The following STPG4 variants were observed in gnomAD, a reference collection of about 807,000 sequenced individuals.
The protein encoded by STPG4 is protein STPG4.
STPG4 carries 41 observed loss-of-function variants against 31.5 expected under a neutral mutation model. The observed-to-expected ratio is 1.30, with a 90% CI of 1.01 to 1.69. The LOEUF (loss-of-function observed/expected upper bound fraction) is 1.69. STPG4 is among the 40% of genes most tolerant of loss of function. STPG4 has a pLI of 0.00. For missense variants in STPG4, 375 were observed against 293.4 expected, an observed-to-expected ratio of 1.28 and a Z score of -2.03; for synonymous variants, 141 against 103.0, an observed-to-expected ratio of 1.37 and a Z score of -2.24.
chr2:47,123,815 G>A (rs1686317497), intron 5 of STPG4, among the ~76,000 whole-genome samples: 1 of 151,902 alleles, frequency 6.6e-6, no homozygotes, highest in African/African-American at 2.4e-5. Context: ...AAATGTTTAT[G>A]GCCACATAGT....
intron 1 of STPG4, among the ~76,000 whole-genome samples, 195 bp downstream of exon 1, chr2:47,154,976 T>G (rs1000208697): frequency 6.6e-6 from 1 of 150,980 alleles, no homozygotes; most frequent in Admixed American, 6.6e-5. Flanking sequence ...GGAAAAGAAA[T>G]AAAACAAAGG....
intron 5 of STPG4, among the ~76,000 whole-genome samples, chr2:47,124,915 C>T (rs1202396445): frequency 1.3e-5 from 2 of 152,214 alleles, no homozygotes; most frequent in Non-Finnish European, 2.9e-5. Flanking sequence ...CTTTTCTCCA[C>T]ATCCTCGCCA....
At chr2:47,154,129 A>C (rs916042160) in intron 1 of STPG4, among the ~76,000 whole-genome samples, 4 of 152,264 alleles carry the variant, frequency 2.6e-5, no homozygotes, top group Non-Finnish European at 5.9e-5. Flanking sequence ...AGTAATAATC[A>C]GTAAAACTGA....
chr2:47,128,242 G>C (rs1686402629), intron 5 of STPG4, among the ~76,000 whole-genome samples: 4 of 152,090 alleles, frequency 2.6e-5, no homozygotes, highest in African/African-American at 9.7e-5. Context: ...TGAGGGACGG[G>C]TGACACAAGC....
At chr2:47,149,955 G>T (rs1686903495) in intron 3 of STPG4, among the ~76,000 whole-genome samples, 2 of 152,164 alleles carry the variant, frequency 1.3e-5, no homozygotes, top group Non-Finnish European at 1.5e-5. Flanking sequence ...AAGGCGAGGG[G>T]CACATGGTAG....
At chr2:47,132,869 T>G (rs1168885198) in intron 3 of STPG4, among the ~76,000 whole-genome samples, 4 of 152,200 alleles carry the variant, frequency 2.6e-5, no homozygotes, top group Admixed American at 6.5e-5. Context: ...TTATCTATAC[T>G]GAGCAATCCA....
At chr2:47,124,878 T>G (rs1402914030) in intron 5 of STPG4, among the ~76,000 whole-genome samples, 2 of 152,228 alleles carry the variant, frequency 1.3e-5, no homozygotes, top group Non-Finnish European at 2.9e-5. Context: ...CTAATTTACA[T>G]TCTCACCAAC....
In STPG4 at chr2:47,099,982, G is replaced by A. The variant is rs182558661; in HGVS notation, c.520-9608C>T. On this transcript the variant is annotated intron_variant, in intron 5 of 6. Coordinates refer to ENST00000445927, the MANE Select transcript of STPG4 (RefSeq NM_001163561.2). ...GCTGCCTTCCCAAGGGGCAGGGCTC[G>A]GGACCTGCAGCCCACCATGCCTGAG... Among the ~76,000 whole-genome samples the A allele has an allele frequency of 3.9e-3, 591 of 152,230 alleles. 12 individuals carry two copies. The highest frequency in any genetic ancestry group is 0.013 in the African/African-American group (549 of 41,476).
chr2:47,142,738 T>C (rs1454019269), intron 3 of STPG4, among the ~76,000 whole-genome samples: 1 of 151,876 alleles, frequency 6.6e-6, no homozygotes, highest in African/African-American at 2.4e-5. Context: ...TGTATACAAA[T>C]GGGATTATAC....
At chr2:47,098,181 G>T (rs1167628436) in intron 5 of STPG4, among the ~76,000 whole-genome samples, 1 of 152,134 alleles carries the variant, frequency 6.6e-6, no homozygotes, top group Non-Finnish European at 1.5e-5. Flanking sequence ...GGTCTTCCAG[G>T]CCTCCTCTCT....
chr2:47,137,820 G>A (rs771039202), intron 3 of STPG4, among the ~76,000 whole-genome samples: 68 of 152,038 alleles, frequency 4.5e-4, no homozygotes, highest in Non-Finnish European at 3.1e-4. Context: ...CTGTAGTGAT[G>A]TCTCCTCTTT....
rs1310278941 is a variant in STPG4, at chr2:47,087,054, T to C, written c.701A>G (p.Gln234Arg). Residue 234 changes from glutamine (Q) to arginine (R), a missense_variant, in exon 7 of 7, where the codon CAA (glutamine) becomes CGA (arginine). Transcript: ENST00000445927. ...GTTGTTGAAGAAAAGGCTATGCTCTTGGCCCATTTTGGCTATGGTCGGAGA... is the reference window on the plus strand; with the variant it reads ...GTTGTTGAAGAAAAGGCTATGCTCTCGGCCCATTTTGGCTATGGTCGGAGA... The part of the protein sequence containing the change: ...KQSPTIAKMG[Q>R]EHSLFFNNNN... 10 of 1,551,678 alleles carry C rather than the reference T, an allele frequency of 6.4e-6. No individual in the cohort carries two copies. The highest frequency in any genetic ancestry group is 5.5e-5 in the African/African-American group (4 of 73,070).
Position 47,151,270 on chromosome 2 carries a change from A to C in STPG4, c.387T>G (p.Val129=), listed in dbSNP as rs1274891396. The change falls in exon 3 of 7, where the codon GTT becomes GTG. Residue 129 remains valine, a synonymous_variant. Transcript: ENST00000445927. ...AGTAGCGCTTTACCTGATCTTTGTC[A>C]ACTAGTGTGCTGGGGCTTGGCCGTG... ...DKPRPSPSTL[V]DKDQSLQLSP... 8 of 1,614,054 alleles carry C rather than the reference A, an allele frequency of 5.0e-6. No homozygotes were observed. The African/African-American group carries it at 1.1e-4, about 22-fold the overall frequency.
intron 6 of STPG4, among the ~76,000 whole-genome samples, chr2:47,089,629 G>T (rs1685527911): frequency 6.6e-6 from 1 of 151,198 alleles, no homozygotes; most frequent in South Asian, 2.1e-4. Context: ...ACAAAGCTAT[G>T]GGAATTAAAA....
At chr2:47,126,264 C>G (rs1192122405) in intron 5 of STPG4, among the ~76,000 whole-genome samples, 1 of 148,368 alleles carries the variant, frequency 6.7e-6, no homozygotes, top group East Asian at 2.0e-4. Context: ...CCTTCCTCTT[C>G]TTTCTCTTCT....
chr2:47,148,450 A>G (rs1362251217), intron 3 of STPG4, among the ~76,000 whole-genome samples: 1 of 152,168 alleles, frequency 6.6e-6, no homozygotes, highest in Non-Finnish European at 1.5e-5. Flanking sequence ...AAAAATAGAA[A>G]GTCTCTCCAA....
intron 5 of STPG4, among the ~76,000 whole-genome samples, chr2:47,095,519 C>T (rs1175071334): frequency 1.3e-5 from 2 of 152,164 alleles, no homozygotes; most frequent in Non-Finnish European, 2.9e-5. Context: ...AACTGTGAGA[C>T]AACACATTTT....
chr2:47,097,604 G>A (rs1205334491), intron 5 of STPG4, among the ~76,000 whole-genome samples: 4 of 152,116 alleles, frequency 2.6e-5, no homozygotes, highest in African/African-American at 7.2e-5. Context: ...CCTTCGCCAC[G>A]TGCAGATACA....
chr2:47,142,465 A>T (rs947662588), intron 3 of STPG4, among the ~76,000 whole-genome samples: 6 of 151,614 alleles, frequency 4.0e-5, no homozygotes, highest in South Asian at 4.1e-4. Flanking sequence ...GAATTTTTTT[A>T]AAATGGAACA....
Sources: allele counts gnomAD v4.1 joint callset (sites outside exome capture counted in the v4.1 genomes callset), GRCh38; gene constraint gnomAD v4.1.1; transcripts MANE v1.5; gene names NCBI Gene and HGNC (gene_info 2026-07-23, HGNC 2026-07-21).